Variants in FRMD6 observed in about 807,000 individuals in gnomAD.
FRMD6 encodes FERM domain-containing protein 6.
A neutral mutation model predicts 73.2 loss-of-function variants in FRMD6; 37 were observed. That is an observed-to-expected ratio of 0.51 (90% confidence interval 0.39 to 0.66). FRMD6 has a LOEUF of 0.66. Ranked by LOEUF, FRMD6 falls within the 30% of genes least tolerant of loss-of-function variation. The probability of loss-of-function intolerance (pLI) is 0.00; values close to 1 mark genes in which losing one functional copy is unlikely to be tolerated. For synonymous variants in FRMD6, 273 were observed against 282.2 expected, an observed-to-expected ratio of 0.97 and a Z score of 0.33; for missense variants, 714 against 780.5, an observed-to-expected ratio of 0.91 and a Z score of 1.02.
chr14:51,524,538 G>A (rs867821192), intron 1 of FRMD6, among the ~76,000 whole-genome samples: 2 of 151,320 alleles, frequency 1.3e-5, no homozygotes, highest in African/African-American at 4.9e-5. Flanking sequence ...TTTTATGACG[G>A]GGGGGGTCTC....
chr14:51,509,885 C>G (rs549852071), intron 1 of FRMD6, among the ~76,000 whole-genome samples: 3 of 152,258 alleles, frequency 2.0e-5, no homozygotes, highest in Admixed American at 2.0e-4. Flanking sequence ...CTTGGTCTCC[C>G]AAAGTGCTGG....
chr14:51,436,747 G>A, the FRMD6 span: 1 of 538,740 alleles, frequency 1.9e-6, no homozygotes, highest in Admixed American at 2.6e-5. Context: ...TTTCCGATAT[G>A]GATGATGAAG....
At chr14:51,443,656 C>CCATA in the FRMD6 span, among the ~76,000 whole-genome samples, 1 of 152,158 alleles carries the variant, frequency 6.6e-6, no homozygotes, top group Non-Finnish European at 1.5e-5. Flanking sequence ...GGGGTTTGTG[C>CCATA]CATACTCTTC....
intron 12 of FRMD6, among the ~76,000 whole-genome samples, chr14:51,723,783 A>AT (rs1897777345): frequency 6.6e-6 from 1 of 151,906 alleles, no homozygotes; most frequent in Non-Finnish European, 1.5e-5. Context: ...AAAAAAAAAA[A>AT]AAAGAAAAAG....
intron 2 of FRMD6, among the ~76,000 whole-genome samples, chr14:51,612,213 A>T (rs1890539410): frequency 6.6e-6 from 1 of 152,198 alleles, no homozygotes. Context: ...TTTTGTATTA[A>T]CAACAAATAC....
intron 1 of FRMD6, among the ~76,000 whole-genome samples, chr14:51,548,382 C>A (rs549348976): frequency 1.3e-5 from 2 of 152,288 alleles, no homozygotes; most frequent in Admixed American, 1.3e-4. Context: ...CTGTTAGGTA[C>A]CCTGTGGCTT....
chr14:51,668,345 T>C (rs1893750318), intron 1 of FRMD6, among the ~76,000 whole-genome samples: 1 of 152,204 alleles, frequency 6.6e-6, no homozygotes, highest in Non-Finnish European at 1.5e-5. Context: ...TCTACTCCTT[T>C]ACCCAGGCTG....
At chr14:51,616,359 C>T (rs1890710564) in intron 2 of FRMD6, among the ~76,000 whole-genome samples, 1 of 152,292 alleles carries the variant, frequency 6.6e-6, no homozygotes, top group Admixed American at 6.5e-5. Flanking sequence ...GGATTTTTAA[C>T]AGGTCCTGGA....
intron 2 of FRMD6, among the ~76,000 whole-genome samples, chr14:51,621,980 C>G (rs1273986956): frequency 1.3e-5 from 2 of 152,182 alleles, no homozygotes; most frequent in Non-Finnish European, 2.9e-5. Context: ...TAGACAAGAG[C>G]AACAGGCATA....
At chr14:51,465,449 C>T in the FRMD6 span, among the ~76,000 whole-genome samples, 108 of 152,296 alleles carry the variant, frequency 7.1e-4, no homozygotes, top group South Asian at 1.5e-3. Flanking sequence ...TCCCTCCCCC[C>T]GCCATCTCTA....
At position 51,728,047 on chromosome 14, in the gene FRMD6, C is replaced by A. The variant is rs2140732083; in HGVS notation, c.*18C>A. 1 of 1,592,798 alleles carries A rather than the reference C, an allele frequency of 6.3e-7. No individual in the cohort carries two copies. The highest frequency in any genetic ancestry group is 8.6e-7 in the Non-Finnish European group (1 of 1,164,930). ...TTGTGTAAAGTCCGTCTGTGTGCAG[C>A]TGTACAGGCAGCTTACTGTTTGCTA... On this transcript the variant is annotated 3_prime_UTR_variant, in exon 14 of 14. Transcript: ENST00000344768.
chr14:51,574,949 T>C lies in FRMD6; in HGVS notation c.-147+4539T>C, dbSNP rs200046993. On this transcript the variant is annotated intron_variant, in intron 2 of 14. Coordinates refer to the FRMD6 transcript ENST00000356218. ...ATATCTTATGTGCCCTATAAATATATACACATAGTATGTACCCATAAAAAT... is the reference window on the plus strand; with the variant it reads ...ATATCTTATGTGCCCTATAAATATACACACATAGTATGTACCCATAAAAAT... Among the ~76,000 whole-genome samples, 51 of 152,300 alleles carry C rather than the reference T, an allele frequency of 3.3e-4. 1 individual carries two copies. The East Asian group carries it at 9.1e-3, about 27-fold the overall frequency.
chr14:51,673,173 A>G (rs1894145588), intron 1 of FRMD6, among the ~76,000 whole-genome samples: 1 of 152,104 alleles, frequency 6.6e-6, no homozygotes, highest in Admixed American at 6.6e-5. Flanking sequence ...TCCTCTGGCT[A>G]GTGGGAATGA....
intron 2 of FRMD6, among the ~76,000 whole-genome samples, chr14:51,596,072 G>A (rs914378403): frequency 6.6e-6 from 1 of 152,168 alleles, no homozygotes; most frequent in African/African-American, 2.4e-5. Flanking sequence ...TGTTCCCACT[G>A]AGATGCCTCT....
At chr14:51,669,724 T>C (rs2140228792) in intron 1 of FRMD6, among the ~76,000 whole-genome samples, 1 of 152,332 alleles carries the variant, frequency 6.6e-6, no homozygotes, top group East Asian at 1.9e-4. Context: ...ATTTATATAT[T>C]TTTGGATTTA....
the FRMD6 span, among the ~76,000 whole-genome samples, chr14:51,402,977 C>G: frequency 4.2e-5 from 6 of 143,066 alleles, no homozygotes; most frequent in South Asian, 1.4e-3. Flanking sequence ...CAGACTAATA[C>G]ACCATAGGTA....
chr14:51,450,522 G>C, the FRMD6 span, among the ~76,000 whole-genome samples: 1 of 152,118 alleles, frequency 6.6e-6, no homozygotes, highest in Non-Finnish European at 1.5e-5. Flanking sequence ...TCCCCACCAG[G>C]GTCGAGGAGA....
intron 10 of FRMD6, among the ~76,000 whole-genome samples, chr14:51,716,125 G>A (rs1434688781): frequency 2.6e-5 from 4 of 152,072 alleles, no homozygotes; most frequent in African/African-American, 7.2e-5. Flanking sequence ...ACCCTGAAAC[G>A]GGGATCATGT....
the FRMD6 span, among the ~76,000 whole-genome samples, chr14:51,405,617 T>C: frequency 6.6e-6 from 1 of 152,240 alleles, no homozygotes; most frequent in Non-Finnish European, 1.5e-5. Flanking sequence ...ATGTCTTCTT[T>C]TGAAATGTGT....
Sources: allele counts gnomAD v4.1 joint callset (sites outside exome capture counted in the v4.1 genomes callset), GRCh38; gene constraint gnomAD v4.1.1; transcripts MANE v1.5; gene names NCBI Gene and HGNC (gene_info 2026-07-23, HGNC 2026-07-21).